The following FER1L6 variants were observed in gnomAD, a reference collection of about 807,000 sequenced individuals.
FER1L6 encodes the protein fer-1-like protein 6.
In FER1L6, 177 loss-of-function variants were observed where a neutral mutation model predicts 219.2. The ratio of observed to expected loss-of-function variants is 0.81; its 90% CI spans 0.71 to 0.91. The LOEUF (loss-of-function observed/expected upper bound fraction) is 0.91, where lower values mean the gene tolerates loss of function less well. Ranked by LOEUF, FER1L6 falls within the 40% of genes least tolerant of loss-of-function variation. FER1L6 has a pLI of 0.00. For synonymous variants in FER1L6, 768 were observed against 824.3 expected (o/e 0.93, Z 1.17); for missense variants, 2,153 against 2,259.9 (o/e 0.95, Z 0.96).
chr8:123,890,446 T>G (rs1812619693), intron 1 of FER1L6, among the ~76,000 whole-genome samples: 1 of 151,718 alleles, frequency 6.6e-6, no homozygotes, highest in Non-Finnish European at 1.5e-5. Flanking sequence ...TATACATATA[T>G]ATAAATAATT....
At chr8:124,108,729 T>C (rs773549821) in intron 39 of FER1L6, among the ~76,000 whole-genome samples, 19 of 151,698 alleles carry the variant, frequency 1.3e-4, no homozygotes, top group Admixed American at 2.6e-4. Context: ...ATTTTTAAAA[T>C]TTGCCAGGCA....
chr8:123,943,724 C>T (rs1451788930), intron 1 of FER1L6, among the ~76,000 whole-genome samples: 1 of 152,058 alleles, frequency 6.6e-6, no homozygotes, highest in African/African-American at 2.4e-5. Flanking sequence ...TCTGTCCACA[C>T]CCTTTGCTGC....
chr8:124,040,122 G>A, intron 20 of FER1L6, 116 bp downstream of exon 20: 3 of 1,382,142 alleles, frequency 2.2e-6, no homozygotes, highest in Non-Finnish European at 3.0e-6. Flanking sequence ...CTTTGGGTGT[G>A]TAGATGTTTC....
chr8:124,053,093 A>G (rs1049159856), intron 22 of FER1L6, among the ~76,000 whole-genome samples: 2 of 152,224 alleles, frequency 1.3e-5, no homozygotes, highest in African/African-American at 2.4e-5. Context: ...AATTGGATTC[A>G]GTCAACTCTC....
chr8:123,856,548 G>A (rs558291459), intron 1 of FER1L6, among the ~76,000 whole-genome samples: 53 of 151,404 alleles, frequency 3.5e-4, no homozygotes, highest in Admixed American at 3.0e-3. Context: ...AAGTTAATGC[G>A]ATTGTTTACT....
intron 26 of FER1L6, among the ~76,000 whole-genome samples, 173 bp downstream of exon 26, chr8:124,064,746 A>ACCTCC (rs1820751603): frequency 1.3e-5 from 2 of 152,224 alleles, no homozygotes; most frequent in African/African-American, 4.8e-5. Context: ...CAGCTTTGTT[A>ACCTCC]TAGGATCAGA....
At chr8:124,040,840 A>T (rs1388638896) in intron 20 of FER1L6, 1 of 152,164 alleles carries the variant, frequency 6.6e-6, no homozygotes, top group African/African-American at 2.4e-5. Context: ...TCCATTTGTG[A>T]AGGCAGATCC....
chr8:124,031,020 T>C (rs182067885), intron 18 of FER1L6, among the ~76,000 whole-genome samples: 299 of 152,280 alleles, frequency 2.0e-3, no homozygotes, highest in Admixed American at 6.5e-3. Flanking sequence ...TTTTGCATTC[T>C]TAATTGTTTT....
chr8:123,971,680 T>A (rs1484932457), intron 6 of FER1L6, among the ~76,000 whole-genome samples: 2 of 152,240 alleles, frequency 1.3e-5, no homozygotes, highest in Admixed American at 1.3e-4. Flanking sequence ...TTAACACAAC[T>A]TTTCTGTTAG....
intron 1 of FER1L6, among the ~76,000 whole-genome samples, chr8:123,861,464 G>A (rs1816743772): frequency 7.0e-6 from 1 of 142,248 alleles, no homozygotes; most frequent in African/African-American, 2.8e-5. Flanking sequence ...TGGCGATGCG[G>A]GCTCTTTTTT....
In FER1L6 at chr8:123,977,518, G is replaced by A. The variant is rs1816138219; in HGVS notation, c.972G>A (p.Gln324=). The change falls in exon 10 of 41, where the codon CAG becomes CAA. Residue 324 remains glutamine (Q), a synonymous_variant. Coordinates refer to ENST00000522917, the MANE Select transcript of FER1L6 (RefSeq NM_001039112.2). The part of the protein sequence containing the change: ...FPPLCRRVKI[Q]VWDEGSMNDV... ...CCTTGTGTCGGAGGGTGAAAATCCAGGTGTGGGATGAAGGCAGCATGAATG... is the reference window on the plus strand; with the variant it reads ...CCTTGTGTCGGAGGGTGAAAATCCAAGTGTGGGATGAAGGCAGCATGAATG... 1.9e-6 allele frequency: 3 copies of A among 1,613,964 alleles called. No individual in the cohort carries two copies. Among genetic ancestry groups the A allele is most frequent in the African/African-American group, 2.7e-5 (2 of 74,904 alleles).
At chr8:123,931,089 A>T (rs76785715) in intron 1 of FER1L6, among the ~76,000 whole-genome samples, 235 of 152,338 alleles carry the variant, frequency 1.5e-3, no homozygotes, top group African/African-American at 5.5e-3. Flanking sequence ...CCATAAGGGT[A>T]AGAACAGCAA....
At chr8:123,898,286 A>C (rs1312010553) in intron 1 of FER1L6, among the ~76,000 whole-genome samples, 2 of 152,058 alleles carry the variant, frequency 1.3e-5, no homozygotes, top group African/African-American at 4.8e-5. Flanking sequence ...TAAAGTTGAA[A>C]ATTTTAATGT....
chr8:124,011,382 G>T (rs911700676), intron 14 of FER1L6, among the ~76,000 whole-genome samples: 6 of 152,052 alleles, frequency 3.9e-5, no homozygotes, highest in Non-Finnish European at 8.8e-5. Context: ...TTGAGAAGGG[G>T]TCTTGCTTTG....
In FER1L6 at chr8:124,032,498, G is replaced by C. The variant is rs374670160; in HGVS notation, c.2287-2779G>C. 2.8e-4 allele frequency among the ~76,000 whole-genome samples: 42 copies of C among 152,148 alleles called. No homozygotes were observed. The East Asian group carries it at 3.3e-3, about 12-fold the overall frequency. On this transcript the variant is annotated intron_variant, in intron 18 of 40. Coordinates refer to ENST00000522917, the MANE Select transcript of FER1L6 (RefSeq NM_001039112.2). ...ATCCTAGCACTCTGGGAGGCCAAAG[G>C]GGGGCAGATTGCTTTAGTCCAGGAG...
chr8:123,967,973 C>T (rs955401465), intron 5 of FER1L6, among the ~76,000 whole-genome samples: 4 of 151,612 alleles, frequency 2.6e-5, no homozygotes, highest in Non-Finnish European at 5.9e-5. Flanking sequence ...AAAAAAAAAT[C>T]TTATTATCTT....
chr8:124,004,050 G>A (rs2130511050), intron 13 of FER1L6: 1 of 150,274 alleles, frequency 6.7e-6, no homozygotes, highest in African/African-American at 2.5e-5. Flanking sequence ...TCAATTTGAT[G>A]GGATTATTGA....
intron 1 of FER1L6, among the ~76,000 whole-genome samples, chr8:123,948,173 C>T (rs530308050): frequency 6.6e-6 from 1 of 152,298 alleles, no homozygotes; most frequent in East Asian, 1.9e-4. Context: ...CATGATTGTC[C>T]TGTAAGACAT....
chr8:124,005,939 T>C (rs143810062), intron 13 of FER1L6, among the ~76,000 whole-genome samples: 102 of 152,338 alleles, frequency 6.7e-4, no homozygotes, highest in African/African-American at 2.3e-3. Flanking sequence ...TCCCTGAATT[T>C]TCTAAACCCT....
Sources: allele counts gnomAD v4.1 joint callset (sites outside exome capture counted in the v4.1 genomes callset), GRCh38; gene constraint gnomAD v4.1.1; transcripts MANE v1.5; gene names NCBI Gene and HGNC (gene_info 2026-07-23, HGNC 2026-07-21).